The following CHKA variants were observed in gnomAD, a reference collection of about 807,000 sequenced individuals.
CHKA encodes the protein CHETK-alpha.
Under a neutral mutation model 60.1 loss-of-function variants are expected in CHKA, and 34 were observed. The ratio of observed to expected loss-of-function variants is 0.57; its 90% confidence interval spans 0.43 to 0.75. The LOEUF (loss-of-function observed/expected upper bound fraction) is 0.75, where lower values mean the gene tolerates loss of function less well. Ranked by LOEUF, CHKA falls within the 30% of genes least tolerant of loss-of-function variation. The pLI, the probability that CHKA is intolerant of heterozygous loss-of-function variation, is 0.00. For synonymous variants in CHKA, 217 were observed against 223.1 expected, an observed-to-expected ratio of 0.97 and a Z score of 0.24; for missense variants, 563 against 561.3, an observed-to-expected ratio of 1.00 and a Z score of -0.03.
intron 1 of CHKA, among the ~76,000 whole-genome samples, chr11:68,117,625 TG>T (rs1463634432): frequency 1.3e-5 from 2 of 150,558 alleles, no homozygotes; most frequent in Admixed American, 1.3e-4. Context: ...AGGCAGAAGT[TG>T]CAGCTAGCCG....
chr11:68,086,128 CA>C (rs1857170615), intron 2 of CHKA, among the ~76,000 whole-genome samples: 1 of 152,072 alleles, frequency 6.6e-6, no homozygotes, highest in African/African-American at 2.4e-5. Context: ...TCCTTGCCAA[CA>C]TGGTGAAACC....
intron 1 of CHKA, among the ~76,000 whole-genome samples, chr11:68,098,728 C>T (rs1043564057): frequency 2.0e-5 from 3 of 151,968 alleles, no homozygotes; most frequent in Non-Finnish European, 4.4e-5. Flanking sequence ...GGGTTTTGCT[C>T]TGTCATCCAG....
At chr11:68,099,588 A>G (rs1033162289) in intron 1 of CHKA, among the ~76,000 whole-genome samples, 1 of 152,326 alleles carries the variant, frequency 6.6e-6, no homozygotes, top group East Asian at 1.9e-4. Context: ...AAGCAGGCCG[A>G]CAGCGTGTAG....
At chr11:68,059,289 T>A (rs1421729562) in intron 11 of CHKA, among the ~76,000 whole-genome samples, 3 of 152,212 alleles carry the variant, frequency 2.0e-5, no homozygotes, top group Non-Finnish European at 4.4e-5. Flanking sequence ...TTGGATCTTG[T>A]CAAATGCTTT....
chr11:68,109,519 C>G (rs1182654605), intron 1 of CHKA, among the ~76,000 whole-genome samples: 3 of 152,180 alleles, frequency 2.0e-5, no homozygotes, highest in Admixed American at 2.0e-4. Flanking sequence ...GGCAAATACA[C>G]AATTCCAGCC....
rs765039402 is a variant in CHKA, at chr11:68,120,930, G to A, written c.248C>T (p.Pro83Leu). The change falls in exon 1 of 12, where the codon CCG becomes CTG. Residue 83 changes from proline to leucine, a missense_variant. Coordinates refer to ENST00000265689, the MANE Select transcript of CHKA (RefSeq NM_001277.3). ...PPPQPPADEQ[P>L]EPRTRRRAYL... ...GGCCCTGCGCCGCGTCCGGGGCTCC[G>A]GCTGCTCGTCTGCGGGCGGCTGCGG... is the stretch of plus-strand genomic sequence containing the variant. 5.0e-6 allele frequency: 6 copies of A among 1,197,890 alleles called. No homozygotes were observed. Among genetic ancestry groups the A allele is most frequent in the Admixed American group, 3.4e-5 (1 of 29,560 alleles). 74.2% of individuals were successfully genotyped at this position (1,197,890 alleles called of 1,614,324 possible).
chr11:68,092,608 A>G (rs965792289), intron 2 of CHKA, among the ~76,000 whole-genome samples: 19 of 152,150 alleles, frequency 1.2e-4, no homozygotes, highest in African/African-American at 4.3e-4. Flanking sequence ...TTTGTACCAT[A>G]GCCATCTTTT....
In CHKA at chr11:68,120,824, C is replaced by A; in HGVS notation, c.350+4G>T. 3 of 1,263,668 alleles carry A rather than the reference C, an allele frequency of 2.4e-6. No homozygotes were observed. The highest frequency in any genetic ancestry group is 3.0e-6 in the Non-Finnish European group (3 of 990,664). The allele number at this position is 1,263,668 out of a possible 1,614,324, so 78.3% of individuals were successfully genotyped here. A position where few individuals can be genotyped will look rare whatever the true frequency, so the allele number is the denominator to read the frequency against. On this transcript the variant is annotated splice_donor_region_variant and intron_variant, in intron 1 of 11. Transcript: ENST00000265689. ...CCGCGGCCCCCAGACCCGGCGCCAC[C>A]GACCTGATGACACTGATGTGGAACT...
intron 1 of CHKA, among the ~76,000 whole-genome samples, chr11:68,100,591 C>CAATCAATA (rs1857672852): frequency 2.0e-5 from 2 of 100,642 alleles, no homozygotes; most frequent in African/African-American, 3.8e-5. Flanking sequence ...ACATCATCTC[C>CAATCAATA]AATAAATAAA....
chr11:68,100,090 C>G (rs1857653485), intron 1 of CHKA, among the ~76,000 whole-genome samples: 1 of 152,092 alleles, frequency 6.6e-6, no homozygotes, highest in Non-Finnish European at 1.5e-5. Context: ...ACCAATGAGT[C>G]AAATAATAAT....
At chr11:68,097,715 T>A (rs1857561533) in intron 1 of CHKA, among the ~76,000 whole-genome samples, 1 of 152,002 alleles carries the variant, frequency 6.6e-6, no homozygotes, top group Admixed American at 6.6e-5. Flanking sequence ...TATTAATAGT[T>A]CCAAGATCTT....
chr11:68,057,652 T>C (rs541769484), intron 11 of CHKA, among the ~76,000 whole-genome samples: 9 of 152,338 alleles, frequency 5.9e-5, no homozygotes, highest in African/African-American at 9.6e-5. Flanking sequence ...TGTTTTCTCA[T>C]AGAAACTTAA....
intron 7 of CHKA, among the ~76,000 whole-genome samples, chr11:68,067,413 G>A (rs1856480591): frequency 6.6e-6 from 1 of 152,224 alleles, no homozygotes; most frequent in Non-Finnish European, 1.5e-5. Context: ...GACCAGCCTG[G>A]GCAACACAGA....
At chr11:68,100,260 C>T (rs1186656612) in intron 1 of CHKA, among the ~76,000 whole-genome samples, 1 of 152,206 alleles carries the variant, frequency 6.6e-6, no homozygotes, top group Non-Finnish European at 1.5e-5. Flanking sequence ...CAAACTTTAT[C>T]ACCTGGCATA....
intron 10 of CHKA, among the ~76,000 whole-genome samples, chr11:68,063,262 G>A (rs922974709): frequency 6.6e-6 from 1 of 152,128 alleles, no homozygotes; most frequent in Admixed American, 6.6e-5. Context: ...ACTTTGGGGG[G>A]CCAAGGCAGG....
chr11:68,076,909 G>A (rs981782829), intron 3 of CHKA, among the ~76,000 whole-genome samples: 2 of 152,182 alleles, frequency 1.3e-5, no homozygotes, highest in East Asian at 3.8e-4. Context: ...TAGGAAGAAA[G>A]GGGGAGATGG....
chr11:68,110,503 G>A (rs1430773511), intron 1 of CHKA, among the ~76,000 whole-genome samples: 1 of 152,038 alleles, frequency 6.6e-6, no homozygotes, highest in Non-Finnish European at 1.5e-5. Context: ...ATTTATATGA[G>A]CACCCCCAAA....
chr11:68,111,998 A>T (rs1169469750), intron 1 of CHKA, among the ~76,000 whole-genome samples: 1 of 131,668 alleles, frequency 7.6e-6, no homozygotes, highest in Non-Finnish European at 1.6e-5. Flanking sequence ...GGTTGCGGTG[A>T]GCCGAGATCA....
At chr11:68,055,428 T>C (rs1041632805) in intron 11 of CHKA, among the ~76,000 whole-genome samples, 2 of 152,146 alleles carry the variant, frequency 1.3e-5, no homozygotes, top group Non-Finnish European at 2.9e-5. Context: ...CTATGAGTGT[T>C]TGAGTGCAAG....
Sources: gnomAD v4.1 joint callset for allele counts (sites outside exome capture counted in the v4.1 genomes callset) on GRCh38, gnomAD v4.1.1 for gene constraint, MANE v1.5 for transcripts, NCBI Gene and HGNC (gene_info 2026-07-23, HGNC 2026-07-21) for gene names.